The following COL5A1 variants were observed in gnomAD, a reference collection of about 807,000 sequenced individuals.
COL5A1 encodes the protein collagen type V alpha 1 chain, also known as collagen alpha-1(V) chain.
Under a neutral mutation model 263.7 loss-of-function variants are expected in COL5A1, and 16 were observed. That is an observed-to-expected ratio of 0.06 (90% confidence interval 0.04 to 0.09). The LOEUF is 0.09. Ranked by LOEUF, COL5A1 falls within the 10% of genes least tolerant of loss-of-function variation. The probability of loss-of-function intolerance (pLI) is 1.00; values close to 1 mark genes in which losing one functional copy is unlikely to be tolerated. For synonymous variants in COL5A1, 1,012 were observed against 1,004.5 expected (o/e 1.01, Z -0.14); for missense variants, 2,036 against 2,540.5 (o/e 0.80, Z 4.27).
intron 12 of COL5A1, 58 bp downstream of exon 12, chr9:134,750,674 C>G: frequency 1.2e-6 from 2 of 1,601,236 alleles, no homozygotes; most frequent in Non-Finnish European, 1.7e-6. Flanking sequence ...GGATCCAAAC[C>G]AGACCCTCTG....
chr9:134,807,114 C>T (rs1329013239), intron 42 of COL5A1, among the ~76,000 whole-genome samples: 1 of 152,220 alleles, frequency 6.6e-6, no homozygotes, highest in East Asian at 1.9e-4. Flanking sequence ...TTCTGCCACA[C>T]AATTTTGCAG....
intron 65 of COL5A1, among the ~76,000 whole-genome samples, chr9:134,840,296 G>T (rs893420001): frequency 6.6e-6 from 1 of 152,204 alleles, no homozygotes; most frequent in Admixed American, 6.5e-5. Context: ...ATCAAGGCAG[G>T]GTTGTGAGAA....
At position 134,701,208 on chromosome 9, in the gene COL5A1, G is replaced by C. The variant is rs774985928; in HGVS notation, c.529G>C (p.Val177Leu). The change falls in exon 4 of 66, where the codon GTC becomes CTC. Residue 177 changes from valine (V) to leucine (L), a missense_variant. This residue lies in a region of COL5A1 where 600 missense variants were observed against 634.5 expected (regional missense o/e 0.95). Coordinates refer to ENST00000371817, the MANE Select transcript of COL5A1 (RefSeq NM_000093.5). Reference protein sequence around the residue: ...RIALSVHKKNVTLILDCKKKT... With the variant: ...RIALSVHKKNLTLILDCKKKT... ...TGCTCTCAGCGTCCACAAGAAAAATGTCACCTTGATCCTCGACTGTAAAAA... is the reference window on the plus strand; with the variant it reads ...TGCTCTCAGCGTCCACAAGAAAAATCTCACCTTGATCCTCGACTGTAAAAA... The C allele has an allele frequency of 1.9e-6, 3 of 1,613,984 alleles. No homozygotes were observed. Among genetic ancestry groups the C allele is most frequent in the East Asian group, 4.5e-5 (2 of 44,878 alleles).
At chr9:134,819,395 A>G (rs184117332) in intron 57 of COL5A1, among the ~76,000 whole-genome samples, 2 of 152,356 alleles carry the variant, frequency 1.3e-5, no homozygotes, top group East Asian at 1.9e-4. Context: ...TCCTTTCCGC[A>G]GGAGGTGTGA....
intron 1 of COL5A1, among the ~76,000 whole-genome samples, chr9:134,679,704 G>C (rs1316360269): frequency 1.4e-5 from 2 of 143,830 alleles, no homozygotes; most frequent in Non-Finnish European, 3.0e-5. Context: ...CTGGTTAGGG[G>C]GCACTGCAGA....
intron 4 of COL5A1, among the ~76,000 whole-genome samples, chr9:134,722,153 C>T (rs749778348): frequency 3.4e-4 from 52 of 152,230 alleles, no homozygotes; most frequent in Non-Finnish European, 5.4e-4. Context: ...TCGAACGAAG[C>T]ACGTGCATTT....
chr9:134,808,697 T>C (rs1838396087), intron 42 of COL5A1, among the ~76,000 whole-genome samples: 1 of 152,228 alleles, frequency 6.6e-6, no homozygotes, highest in East Asian at 1.9e-4. Context: ...CACATGTGTG[T>C]GCGTACATGT....
intron 24 of COL5A1, among the ~76,000 whole-genome samples, chr9:134,768,152 G>A (rs1006030867): frequency 2.0e-5 from 3 of 152,232 alleles, no homozygotes; most frequent in Admixed American, 6.5e-5. Context: ...GCAGGTGGAT[G>A]TGGAGAAGAA....
At chr9:134,763,826 G>A (rs575541970) in intron 20 of COL5A1, 89 bp downstream of exon 20, 3 of 1,329,946 alleles carry the variant, frequency 2.3e-6, no homozygotes, top group East Asian at 2.3e-5. Flanking sequence ...TCTGGGATCA[G>A]CCAGGAGCTT....
intron 4 of COL5A1, among the ~76,000 whole-genome samples, chr9:134,717,358 C>G (rs139320133): frequency 6.6e-6 from 1 of 152,340 alleles, no homozygotes; most frequent in African/African-American, 2.4e-5. Context: ...AGCCCAGGGC[C>G]AGACTCCACC....
chr9:134,666,780 C>T (rs1405893496), intron 1 of COL5A1, among the ~76,000 whole-genome samples: 1 of 152,228 alleles, frequency 6.6e-6, no homozygotes, highest in East Asian at 1.9e-4. Context: ...CTTGATTCAG[C>T]ACTGAGTCTG....
intron 1 of COL5A1, among the ~76,000 whole-genome samples, chr9:134,650,598 G>T (rs1274916971): frequency 6.6e-6 from 1 of 152,250 alleles, no homozygotes; most frequent in Non-Finnish European, 1.5e-5. Context: ...GTGGGAGTAG[G>T]GTGTGGCCAA....
intron 9 of COL5A1, 59 bp downstream of exon 9, chr9:134,732,186 C>CCA: frequency 6.3e-7 from 1 of 1,589,496 alleles, no homozygotes; most frequent in Non-Finnish European, 8.6e-7. Context: ...GGGGTCACAG[C>CCA]GGGGTGTGTA....
Position 134,716,924 on chromosome 9 carries a change from A to G in COL5A1, c.655-10342A>G, listed in dbSNP as rs111871262. Reference sequence around the variant, plus strand: ...CGAGGACATGGCGGGGACAGCAGAAAGCAATTTCCGACGACATGAAAATAT... The same window carrying G: ...CGAGGACATGGCGGGGACAGCAGAAGGCAATTTCCGACGACATGAAAATAT... On this transcript the variant is annotated intron_variant, in intron 4 of 65. Coordinates refer to ENST00000371817, the MANE Select transcript of COL5A1 (RefSeq NM_000093.5). The surrounding 1 kb of genome is among the most constrained non-coding windows in gnomAD (Gnocchi z 4.5). Among the ~76,000 whole-genome samples the G allele has an allele frequency of 2.5e-3, 379 of 152,312 alleles. 2 individuals are homozygous for G. The highest frequency in any genetic ancestry group is 8.7e-3 in the African/African-American group (362 of 41,568).
Position 134,754,416 on chromosome 9 carries a change from C to T in COL5A1, c.1827+90C>T. ...GGGTGCGGGCACCCCCAACAGCCAG[C>T]TGGGCCACATGAAGCCAGGTGGCTC... On this transcript the variant is annotated intron_variant, in intron 16 of 65. Coordinates refer to ENST00000371817, the MANE Select transcript of COL5A1 (RefSeq NM_000093.5). This position sits in a 1 kb window ranked among gnomAD's most constrained non-coding sequence, Gnocchi z 4.3. 1.4e-6 allele frequency: 2 copies of T among 1,461,386 alleles called. No individual in the cohort carries two copies. Among genetic ancestry groups the T allele is most frequent in the Non-Finnish European group, 1.9e-6 (2 of 1,042,792 alleles). The allele number at this position is 1,461,386 out of a possible 1,614,324, so 90.5% of individuals were successfully genotyped here. A position where few individuals can be genotyped will look rare whatever the true frequency, so the allele number is the denominator to read the frequency against.
intron 39 of COL5A1, 48 bp from the exon 40 acceptor site, chr9:134,804,927 G>A (rs768727244): frequency 2.6e-6 from 4 of 1,531,520 alleles, no homozygotes; most frequent in Admixed American, 3.3e-5. Context: ...CTGGTGAGAG[G>A]TCTGCGTCAC....
chr9:134,761,945 C>T lies in COL5A1; in HGVS notation c.1956C>T (p.Gly652=), dbSNP rs755281748. Residue 652 remains glycine, a synonymous_variant, in exon 19 of 66, where the codon GGC becomes GGT. Coordinates refer to ENST00000371817, the MANE Select transcript of COL5A1 (RefSeq NM_000093.5). ...KGHRGDPGPS[G]PPGPPGDDGE... is the part of the protein sequence containing the mutation. ...CCTAGGGTGACCCTGGTCCTTCCGGCCCACCAGGACCTCCGGGAGACGATG... is the reference window on the plus strand; with the variant it reads ...CCTAGGGTGACCCTGGTCCTTCCGGTCCACCAGGACCTCCGGGAGACGATG... The T allele has an allele frequency of 1.2e-6, 2 of 1,613,528 alleles. No individual in the cohort carries two copies. Among genetic ancestry groups the T allele is most frequent in the South Asian group, 1.1e-5 (1 of 91,084 alleles).
intron 25 of COL5A1, among the ~76,000 whole-genome samples, chr9:134,769,061 A>C (rs1389890825): frequency 6.6e-6 from 1 of 152,212 alleles, no homozygotes; most frequent in African/African-American, 2.4e-5. Flanking sequence ...GCTGATTTGC[A>C]CCCACACCCT....
chr9:134,708,044 AGCC>A (rs1401796845), intron 4 of COL5A1, among the ~76,000 whole-genome samples: 1 of 152,164 alleles, frequency 6.6e-6, no homozygotes, highest in Non-Finnish European at 1.5e-5. Flanking sequence ...CCTGCTGCTC[AGCC>A]TCTGCTGGAT....
Sources: gnomAD v4.1 joint callset for allele counts (sites outside exome capture counted in the v4.1 genomes callset) on GRCh38, gnomAD v4.1.1 for gene constraint, gnomAD v4.1.1 regional missense constraint, Gnocchi (gnomAD v3.1) non-coding constraint, MANE v1.5 for transcripts, NCBI Gene and HGNC (gene_info 2026-07-23, HGNC 2026-07-21) for gene names.